The following CAMK2D variants were observed in gnomAD, a reference collection of about 807,000 sequenced individuals.
CAMK2D encodes the protein calcium/calmodulin-dependent protein kinase type II subunit delta.
In CAMK2D, 37 loss-of-function variants were observed where a neutral mutation model predicts 84.0. The ratio of observed to expected loss-of-function variants is 0.44; its 90% CI spans 0.34 to 0.58. The LOEUF (loss-of-function observed/expected upper bound fraction) is 0.58, where lower values mean the gene tolerates loss of function less well. Ranked by LOEUF, CAMK2D falls within the 20% of genes least tolerant of loss-of-function variation. The pLI, the probability that CAMK2D is intolerant of heterozygous loss-of-function variation, is 0.02. For synonymous variants in CAMK2D, 202 were observed against 212.5 expected (o/e 0.95, Z 0.43); for missense variants, 448 against 652.5 (o/e 0.69, Z 3.41).
intron 16 of CAMK2D, among the ~76,000 whole-genome samples, chr4:113,493,200 T>A (rs371023351): frequency 6.6e-6 from 1 of 151,436 alleles, no homozygotes; most frequent in Admixed American, 6.6e-5. Flanking sequence ...GTTAGCTGGT[T>A]ATTTTGCTCG....
At chr4:113,750,692 C>T (rs1594124336) in intron 2 of CAMK2D, among the ~76,000 whole-genome samples, 1 of 152,276 alleles carries the variant, frequency 6.6e-6, no homozygotes, top group East Asian at 1.9e-4. Flanking sequence ...ATCTACCAAA[C>T]CCATTTAGGA....
intron 4 of CAMK2D, among the ~76,000 whole-genome samples, chr4:113,597,063 C>T (rs1212001214): frequency 6.6e-6 from 1 of 152,122 alleles, no homozygotes; most frequent in Non-Finnish European, 1.5e-5. Flanking sequence ...GGTGATCTGC[C>T]CATCTCGGCC....
rs2099640592 is a variant in CAMK2D, at chr4:113,761,134, C to A, written c.-66G>T. The A allele has an allele frequency of 1.2e-6, 2 of 1,609,436 alleles. No homozygotes were observed. The highest frequency in any genetic ancestry group is 2.2e-5 in the East Asian group (1 of 44,854). Reference sequence around the variant, plus strand: ...CAGAAGCGAGCAGACGCGCGGCTAACCCCGGGACTGGCCCCGCGGCGCTGT... The same window carrying A: ...CAGAAGCGAGCAGACGCGCGGCTAAACCCGGGACTGGCCCCGCGGCGCTGT... On this transcript the variant is annotated 5_prime_UTR_variant, in exon 1 of 21. Transcript: ENST00000511664.
chr4:113,736,410 C>T (rs1278057951), intron 2 of CAMK2D, among the ~76,000 whole-genome samples: 1 of 152,050 alleles, frequency 6.6e-6, no homozygotes, highest in Non-Finnish European at 1.5e-5. Flanking sequence ...TTAAAATATA[C>T]TAATGTAGAA....
intron 4 of CAMK2D, among the ~76,000 whole-genome samples, chr4:113,568,482 T>C (rs1561032459): frequency 6.6e-6 from 1 of 152,242 alleles, no homozygotes; most frequent in Non-Finnish European, 1.5e-5. Flanking sequence ...TATCTGTTGA[T>C]GGACATTTGT....
chr4:113,565,470 G>A (rs1223379674), intron 4 of CAMK2D, among the ~76,000 whole-genome samples: 1 of 152,042 alleles, frequency 6.6e-6, no homozygotes, highest in East Asian at 1.9e-4. Flanking sequence ...GGCCCACATG[G>A]TGAAACCCCG....
chr4:113,730,545 T>C (rs1174567138), intron 2 of CAMK2D, among the ~76,000 whole-genome samples: 1 of 152,202 alleles, frequency 6.6e-6, no homozygotes, highest in African/African-American at 2.4e-5. Context: ...ATATTGTTAG[T>C]GAAACATTTA....
At chr4:113,530,058 A>C (rs2098447814) in intron 8 of CAMK2D, among the ~76,000 whole-genome samples, 1 of 152,236 alleles carries the variant, frequency 6.6e-6, no homozygotes, top group Non-Finnish European at 1.5e-5. Context: ...CTGTAGACTG[A>C]GGTTTGAGAA....
intron 2 of CAMK2D, among the ~76,000 whole-genome samples, chr4:113,756,225 C>A (rs1430544844): frequency 6.6e-6 from 1 of 151,968 alleles, no homozygotes. Flanking sequence ...GTTGGATGTG[C>A]AAATTTATGC....
intron 2 of CAMK2D, among the ~76,000 whole-genome samples, chr4:113,664,022 G>C (rs1018156333): frequency 3.3e-5 from 5 of 152,086 alleles, no homozygotes; most frequent in African/African-American, 1.2e-4. Flanking sequence ...ATATGAAAAG[G>C]GGACTAGTGC....
intron 2 of CAMK2D, among the ~76,000 whole-genome samples, chr4:113,670,867 G>T (rs1376130445): frequency 6.6e-6 from 1 of 151,946 alleles, no homozygotes; most frequent in African/African-American, 2.4e-5. Context: ...GGCAGAGCTT[G>T]CAGTGAGCCA....
chr4:113,487,978 G>A (rs1010820752), intron 16 of CAMK2D, among the ~76,000 whole-genome samples: 1 of 151,944 alleles, frequency 6.6e-6, no homozygotes, highest in Non-Finnish European at 1.5e-5. Flanking sequence ...GAGGAAACCT[G>A]AGCCACAGGT....
chr4:113,672,637 A>T (rs1404930266), intron 2 of CAMK2D, among the ~76,000 whole-genome samples: 1 of 151,906 alleles, frequency 6.6e-6, no homozygotes, highest in Non-Finnish European at 1.5e-5. Context: ...AAAATGTAAG[A>T]CACTTAAAAT....
intron 8 of CAMK2D, among the ~76,000 whole-genome samples, chr4:113,524,058 T>A (rs2098397109): frequency 6.6e-6 from 1 of 151,956 alleles, no homozygotes; most frequent in African/African-American, 2.4e-5. Context: ...TTTGTAGAGG[T>A]AGGGTCACAC....
chr4:113,545,384 C>T (rs984788654), intron 6 of CAMK2D, among the ~76,000 whole-genome samples: 8 of 152,110 alleles, frequency 5.3e-5, no homozygotes, highest in Non-Finnish European at 1.0e-4. Flanking sequence ...ACATTTCTAT[C>T]GCACATCAAT....
chr4:113,704,845 A>G (rs1478488077), intron 2 of CAMK2D, among the ~76,000 whole-genome samples: 3 of 152,176 alleles, frequency 2.0e-5, no homozygotes, highest in Non-Finnish European at 4.4e-5. Context: ...AGGCTTTTAC[A>G]GTTCTGGAAG....
intron 2 of CAMK2D, among the ~76,000 whole-genome samples, chr4:113,689,886 A>G (rs61695946): frequency 0.013 from 2,002 of 152,340 alleles, 48 homozygotes; most frequent in African/African-American, 0.044. Flanking sequence ...AAGGCAGGGA[A>G]CACGTTGTCT....
Position 113,452,316 on chromosome 4 carries a change from T to TA in CAMK2D, c.*2228dup, listed in dbSNP as rs887739477. The TA allele has an allele frequency of 3.3e-5, 5 of 152,284 alleles. No homozygotes were observed. Among genetic ancestry groups the TA allele is most frequent in the African/African-American group, 9.6e-5 (4 of 41,562 alleles). The allele number at this position is 152,284 out of a possible 1,614,324, so 9.4% of individuals were successfully genotyped here. ...TCACCAAGTGCAAATTGTTATGTAC[T>TA]AAATGAGACCAGAGTAGGACACACT... On this transcript the variant is annotated 3_prime_UTR_variant, in exon 21 of 21. Transcript: ENST00000511664.
rs186798087 is a variant in CAMK2D at position 113,557,898 on chromosome 4, A to T, written c.276-5802T>A. Among the ~76,000 whole-genome samples, 729 of 152,354 alleles carry T rather than the reference A, an allele frequency of 4.8e-3. 1 individual carries two copies. Among genetic ancestry groups the T allele is most frequent in the Admixed American group, 0.015 (225 of 15,300 alleles). On this transcript the variant is annotated intron_variant, in intron 4 of 20. Transcript: ENST00000511664. ...CCTGTGCATATATAAAACACATTTT[A>T]AAAATAGAAAAACACTAATAGTCTA...
Sources: allele counts gnomAD v4.1 joint callset (sites outside exome capture counted in the v4.1 genomes callset), GRCh38; gene constraint gnomAD v4.1.1; transcripts MANE v1.5; gene names NCBI Gene and HGNC (gene_info 2026-07-23, HGNC 2026-07-21).